ATP8B1: variants seen among roughly 807,000 people sequenced by gnomAD.
The protein encoded by ATP8B1 is ATPase phospholipid transporting 8B1.
Under a neutral mutation model 149.9 loss-of-function variants are expected in ATP8B1, and 80 were observed. That is an observed-to-expected ratio of 0.53 (90% confidence interval 0.45 to 0.64). The LOEUF is 0.64. ATP8B1 is among the 30% of genes least tolerant of loss of function. The pLI, the probability that ATP8B1 is intolerant of heterozygous loss-of-function variation, is 0.00. For missense variants in ATP8B1, 1,247 were observed against 1,552.6 expected, an observed-to-expected ratio of 0.80 and a Z score of 3.31; for synonymous variants, 536 against 562.8, an observed-to-expected ratio of 0.95 and a Z score of 0.67.
At chr18:57,751,808 C>T (rs145646786) in intron 1 of ATP8B1, among the ~76,000 whole-genome samples, 38 of 152,222 alleles carry the variant, frequency 2.5e-4, no homozygotes, top group Middle Eastern at 3.4e-3. Flanking sequence ...CCTCAAATCC[C>T]GATGTAATGT....
Position 57,777,677 on chromosome 18 carries a change from T to C in ATP8B1, c.-26+25321A>G, listed in dbSNP as rs143726764. On this transcript the variant is annotated intron_variant, in intron 1 of 27. Coordinates refer to ENST00000648908, the MANE Select transcript of ATP8B1 (RefSeq NM_001374385.1). ...TCCGCCTCCCAGGCTGAAGTGATCCTCCCACCTCGGCTTCTCAAGTAGCTG... is the reference window on the plus strand; with the variant it reads ...TCCGCCTCCCAGGCTGAAGTGATCCCCCCACCTCGGCTTCTCAAGTAGCTG... Among the ~76,000 whole-genome samples, 756 of 152,288 alleles carry C rather than the reference T, an allele frequency of 5.0e-3. 4 individuals carry two copies. The highest frequency in any genetic ancestry group is 7.1e-3 in the Non-Finnish European group (485 of 68,030).
At chr18:57,794,846 C>T (rs141811955) in intron 1 of ATP8B1, among the ~76,000 whole-genome samples, 73 of 151,016 alleles carry the variant, frequency 4.8e-4, no homozygotes, top group Non-Finnish European at 9.4e-4. Context: ...ACTGCCAGCT[C>T]AGTGAGAGCA....
intron 15 of ATP8B1, among the ~76,000 whole-genome samples, chr18:57,682,078 C>T (rs1326244538): frequency 6.6e-6 from 1 of 150,848 alleles, no homozygotes; most frequent in Non-Finnish European, 1.5e-5. Flanking sequence ...GATCTTGGCT[C>T]ACTGCAACCT....
chr18:57,794,717 G>A (rs1056897746), intron 1 of ATP8B1, among the ~76,000 whole-genome samples: 1 of 151,940 alleles, frequency 6.6e-6, no homozygotes, highest in Non-Finnish European at 1.5e-5. Context: ...CCTGGGAGGC[G>A]GAGGTTGAGG....
intron 12 of ATP8B1, among the ~76,000 whole-genome samples, chr18:57,690,014 TCAAAA>T (rs201988021): frequency 0.021 from 3,158 of 152,100 alleles, 99 homozygotes; most frequent in African/African-American, 0.072. Flanking sequence ...AGACTCTGTC[TCAAAA>T]CAAAACAAAC....
chr18:57,772,767 A>T (rs2080274236), intron 1 of ATP8B1, among the ~76,000 whole-genome samples: 1 of 152,116 alleles, frequency 6.6e-6, no homozygotes, highest in Non-Finnish European at 1.5e-5. Context: ...TGGAGAAGTA[A>T]CAGGGACGAT....
chr18:57,701,605 A>AT (rs1913126372), intron 4 of ATP8B1, among the ~76,000 whole-genome samples: 1 of 152,206 alleles, frequency 6.6e-6, no homozygotes, highest in Admixed American at 6.5e-5. Context: ...GATACCTAAA[A>AT]AAGAGTTGCT....
chr18:57,749,746 C>T (rs2079998026), intron 1 of ATP8B1, among the ~76,000 whole-genome samples: 1 of 152,000 alleles, frequency 6.6e-6, no homozygotes, highest in African/African-American at 2.4e-5. Context: ...AATCTCCTTC[C>T]CACCCCATCT....
chr18:57,654,736 G>A (rs1599071083), intron 23 of ATP8B1, among the ~76,000 whole-genome samples: 1 of 147,744 alleles, frequency 6.8e-6, no homozygotes, highest in East Asian at 2.0e-4. Flanking sequence ...GCCCAGGTTG[G>A]AGTGCAATAG....
At position 57,720,838 on chromosome 18, in the gene ATP8B1, C is replaced by T. The variant is rs200953090; in HGVS notation, c.181+10789G>A. ...AATGAAAGAAAAAATGTTAAGGGCA[C>T]CCAGAGAGAAAGGTTGGGTTACCCT... On this transcript the variant is annotated intron_variant, in intron 2 of 27. Transcript: ENST00000648908. Among the ~76,000 whole-genome samples the T allele has an allele frequency of 1.8e-3, 274 of 151,888 alleles. 9 individuals carry two copies. In the East Asian group the frequency reaches 0.044, roughly 24 times the overall value.
At chr18:57,760,887 G>T (rs1267650436) in intron 1 of ATP8B1, among the ~76,000 whole-genome samples, 1 of 151,932 alleles carries the variant, frequency 6.6e-6, no homozygotes, top group East Asian at 1.9e-4. Flanking sequence ...TACTCCAGAG[G>T]CTGAGGCAGG....
intron 1 of ATP8B1, among the ~76,000 whole-genome samples, chr18:57,779,637 C>T (rs887331514): frequency 6.6e-6 from 1 of 152,154 alleles, no homozygotes; most frequent in South Asian, 2.1e-4. Flanking sequence ...TGGCGGCTCA[C>T]GCCTGTAATC....
At position 57,650,471 on chromosome 18, in the gene ATP8B1, G is replaced by A. The variant is rs1230257033; in HGVS notation, c.3427C>T (p.Pro1143Ser). The A allele has an allele frequency of 3.1e-6, 5 of 1,613,658 alleles. No individual in the cohort carries two copies. The highest frequency in any genetic ancestry group is 4.2e-6 in the Non-Finnish European group (5 of 1,179,764). Residue 1143 changes from proline (P) to serine (S), a missense_variant, in exon 27 of 28, where the codon CCA (proline) becomes TCA (serine). Physicochemically the swap from Pro to Ser is moderately conservative, Grantham distance 74. Around this residue, in one of 3 missense-constraint regions of ATP8B1, gnomAD observed 164 missense variants for 160.3 expected, o/e 1.02. Transcript: ENST00000648908. ...AGGATGATAGTTAACCAAATGTATG[G>A]CTGTCTCAGAGCGTTTGAAGCTGTG... ...TGTASNALRQ[P>S]YIWLTIILAV...
At chr18:57,751,297 A>G (rs751850692) in intron 1 of ATP8B1, among the ~76,000 whole-genome samples, 2 of 151,966 alleles carry the variant, frequency 1.3e-5, no homozygotes, top group African/African-American at 2.4e-5. Flanking sequence ...CAGGCTGGGC[A>G]GTATGGTGAA....
intron 1 of ATP8B1, among the ~76,000 whole-genome samples, chr18:57,758,672 T>C (rs2080111060): frequency 1.4e-5 from 2 of 143,756 alleles, no homozygotes; most frequent in South Asian, 4.4e-4. Context: ...AAAAAAAAGA[T>C]AGTTGTATTT....
intron 16 of ATP8B1, among the ~76,000 whole-genome samples, chr18:57,672,075 T>A (rs1221441712): frequency 6.6e-6 from 1 of 152,236 alleles, no homozygotes; most frequent in Admixed American, 6.5e-5. Context: ...AATGTAATAG[T>A]GAAATAAATA....
At chr18:57,664,285 T>C (rs1390120891) in intron 20 of ATP8B1, among the ~76,000 whole-genome samples, 2 of 151,530 alleles carry the variant, frequency 1.3e-5, no homozygotes, top group Non-Finnish European at 2.9e-5. Flanking sequence ...GACGGGCAGA[T>C]CAGTCGAGGT....
At position 57,668,350 on chromosome 18, in the gene ATP8B1, G is replaced by A. The variant is rs933099425; in HGVS notation, c.2209+79C>T. On this transcript the variant is annotated intron_variant, in intron 19 of 27. Coordinates refer to ENST00000648908, the MANE Select transcript of ATP8B1 (RefSeq NM_001374385.1). ...GTTTGTACAGGATGAAAAGTCTGAGGAGGTCATCTTGGGCAAAGGAAACGG... is the reference window on the plus strand; with the variant it reads ...GTTTGTACAGGATGAAAAGTCTGAGAAGGTCATCTTGGGCAAAGGAAACGG... 9 of 1,395,732 alleles carry A rather than the reference G, an allele frequency of 6.4e-6. No homozygotes were observed. In the Admixed American group the frequency reaches 6.7e-5, roughly 10 times the overall value. The allele number at this position is 1,395,732 out of a possible 1,614,324, so 86.5% of individuals were successfully genotyped here.
intron 2 of ATP8B1, among the ~76,000 whole-genome samples, chr18:57,731,255 G>A (rs1216784995): frequency 1.3e-5 from 2 of 149,184 alleles, no homozygotes; most frequent in Non-Finnish European, 3.0e-5. Context: ...GCAGTGAGCC[G>A]AGTTCACACC....
Sources: gnomAD v4.1 joint callset for allele counts (sites outside exome capture counted in the v4.1 genomes callset) on GRCh38, gnomAD v4.1.1 for gene constraint, gnomAD v4.1.1 regional missense constraint, MANE v1.5 for transcripts, NCBI Gene and HGNC (gene_info 2026-07-23, HGNC 2026-07-21) for gene names.